The following LAMB1 variants were observed in gnomAD, a reference collection of about 807,000 sequenced individuals.
LAMB1 encodes the protein laminin subunit beta-1.
Under a neutral mutation model 222.3 loss-of-function variants are expected in LAMB1, and 121 were observed. That is an observed-to-expected ratio of 0.54 (90% CI 0.47 to 0.63). The LOEUF is 0.63. Ranked by LOEUF, LAMB1 falls within the 30% of genes least tolerant of loss-of-function variation. LAMB1 has a pLI of 0.00. For synonymous variants in LAMB1, 794 were observed against 807.2 expected, an observed-to-expected ratio of 0.98 and a Z score of 0.28; for missense variants, 2,172 against 2,240.8, an observed-to-expected ratio of 0.97 and a Z score of 0.62.
At chr7:107,948,572 G>T (rs2033177880) in intron 24 of LAMB1, among the ~76,000 whole-genome samples, 1 of 152,108 alleles carries the variant, frequency 6.6e-6, no homozygotes, top group South Asian at 2.1e-4. Flanking sequence ...TGAGCTGACT[G>T]GGTATCATTA....
At chr7:107,958,518 G>T (rs1008765542) in intron 20 of LAMB1, among the ~76,000 whole-genome samples, 1 of 152,178 alleles carries the variant, frequency 6.6e-6, no homozygotes, top group Non-Finnish European at 1.5e-5. Context: ...TCTTCGATAG[G>T]GCGAATGGAT....
chr7:107,939,920 A>G (rs2032938959), intron 25 of LAMB1, 69 bp downstream of exon 25: 1 of 1,524,786 alleles, frequency 6.6e-7, no homozygotes, highest in Admixed American at 1.8e-5. Flanking sequence ...ATGCCAGGAA[A>G]TCTTTGCTGT....
rs566740973 is a variant in LAMB1, at chr7:107,948,813, G to A, written c.3391+2413C>T. 2.8e-4 allele frequency among the ~76,000 whole-genome samples: 43 copies of A among 152,112 alleles called. 1 individual carries two copies. The South Asian group carries it at 8.7e-3, about 31-fold the overall frequency. ...ATCTGTCTGCATCCCTGCTGCCCTC[G>A]TGCCACCGGGATTGGCCAGCATAAT... is the stretch of plus-strand genomic sequence containing the variant. On this transcript the variant is annotated intron_variant, in intron 24 of 33. Transcript: ENST00000222399.
In LAMB1 at chr7:108,002,019, A is replaced by C. The variant is rs2150458774; in HGVS notation, c.38-286T>G. On this transcript the variant is annotated intron_variant, in intron 2 of 33. Transcript: ENST00000222399. ...CCCACCGACGCTCGCGCCCACCCTG[A>C]TCAGCCCCGGGGAGCAGCTCCCCCA... 1.2e-5 allele frequency: 17 copies of C among 1,446,272 alleles called. 1 individual carries two copies. In the South Asian group the frequency reaches 2.4e-4, roughly 20 times the overall value. 89.6% of individuals were successfully genotyped at this position (1,446,272 alleles called of 1,614,324 possible).
intron 13 of LAMB1, among the ~76,000 whole-genome samples, 168 bp downstream of exon 13, chr7:107,972,824 G>T (rs1232363792): frequency 6.6e-6 from 1 of 152,174 alleles, no homozygotes. Context: ...TGACTTAGCA[G>T]TTCCATCACT....
chr7:107,958,317 C>T (rs1444052534), intron 20 of LAMB1, among the ~76,000 whole-genome samples: 1 of 152,116 alleles, frequency 6.6e-6, no homozygotes, highest in Non-Finnish European at 1.5e-5. Context: ...TCCGTGGGAC[C>T]TCCAAATTCT....
intron 5 of LAMB1, among the ~76,000 whole-genome samples, chr7:107,992,069 C>G (rs1301707329): frequency 6.6e-6 from 1 of 152,148 alleles, no homozygotes; most frequent in African/African-American, 2.4e-5. Context: ...AAACTCGAGG[C>G]AAATCTACAT....
chr7:107,971,474 C>T (rs1480600365), intron 13 of LAMB1, among the ~76,000 whole-genome samples: 1 of 152,198 alleles, frequency 6.6e-6, no homozygotes, highest in Non-Finnish European at 1.5e-5. Context: ...GCCTAAGGGG[C>T]TCCTGGGGAA....
At chr7:107,945,041 G>T (rs73195541) in intron 24 of LAMB1, among the ~76,000 whole-genome samples, 7,918 of 152,246 alleles carry the variant, frequency 0.052, 288 homozygotes, top group East Asian at 0.12. Flanking sequence ...AGCAAAAGTT[G>T]TTGCCTAATC....
chr7:108,002,070 C>T, intron 2 of LAMB1: 1 of 1,467,066 alleles, frequency 6.8e-7, no homozygotes, highest in African/African-American at 1.4e-5. Context: ...GTAGACCCTC[C>T]ACTTCGACGT....
chr7:108,003,080 G>GA, intron 1 of LAMB1, 31 bp downstream of exon 1: 2 of 1,235,024 alleles, frequency 1.6e-6, no homozygotes, highest in Non-Finnish European at 2.2e-6. Flanking sequence ...GGAAAGTGGG[G>GA]AAAATCGTGC....
chr7:107,964,953 T>C (rs1349200199), intron 13 of LAMB1, among the ~76,000 whole-genome samples: 1 of 152,350 alleles, frequency 6.6e-6, no homozygotes, highest in East Asian at 1.9e-4. Context: ...ATGAAGGTTT[T>C]CCACATCCCA....
At chr7:107,938,606 T>G (rs1464944796) in intron 25 of LAMB1, among the ~76,000 whole-genome samples, 1 of 152,166 alleles carries the variant, frequency 6.6e-6, no homozygotes, top group Non-Finnish European at 1.5e-5. Flanking sequence ...ATGTAATCTC[T>G]CTTCTGGCAG....
chr7:107,970,361 G>A (rs1356541263), intron 13 of LAMB1, among the ~76,000 whole-genome samples: 5 of 151,912 alleles, frequency 3.3e-5, no homozygotes, highest in Admixed American at 3.3e-4. Flanking sequence ...GGTAGCTGGT[G>A]CCTGTAGTCC....
rs370026064 is a variant in LAMB1, at chr7:107,926,178, C to T, written c.5064+5G>A. 4.2e-5 allele frequency: 67 copies of T among 1,609,422 alleles called. 1 individual carries two copies. The highest frequency in any genetic ancestry group is 1.9e-4 in the South Asian group (17 of 90,830). On this transcript the variant is annotated splice_donor_5th_base_variant and intron_variant, in intron 32 of 33. Transcript: ENST00000222399. ...ATAGCTCTGAAATTACAAAGATTTA[C>T]GTACCTTCTTAACATCTTCTGCACT...
At chr7:107,975,200 G>C (rs1471129298) in intron 11 of LAMB1, 34 bp downstream of exon 11, 1 of 1,594,258 alleles carries the variant, frequency 6.3e-7, no homozygotes, top group East Asian at 2.2e-5. Context: ...TCAAACACAA[G>C]AAAACTCCCA....
chr7:107,957,749 G>GT lies in LAMB1; in HGVS notation c.2690+1499dup, dbSNP rs140834703. Among the ~76,000 whole-genome samples, 1,331 of 152,212 alleles carry GT rather than the reference G, an allele frequency of 8.7e-3. 18 individuals carry two copies. Among genetic ancestry groups the GT allele is most frequent in the African/African-American group, 0.03 (1,257 of 41,522 alleles). On this transcript the variant is annotated intron_variant, in intron 20 of 33. Transcript: ENST00000222399. ...CCCTTGGGGACAATCTAAGTGTAGA[G>GT]TTTTTTTGTAAATTCACAGGATTGA... is the stretch of plus-strand genomic sequence containing the variant.
intron 24 of LAMB1, among the ~76,000 whole-genome samples, chr7:107,947,986 T>TTG (rs2033155882): frequency 6.9e-6 from 1 of 144,548 alleles, no homozygotes; most frequent in Non-Finnish European, 1.5e-5. Context: ...TCTTCTTCTT[T>TTG]TTTTTTTTTT....
chr7:107,940,526 C>T lies in LAMB1; in HGVS notation c.3392-168G>A, dbSNP rs112149631. ...CTGTAGCAGCTTCCTCTAGCACATG[C>T]GTGACTTCAGTGGTTGCTAACCCCT... On this transcript the variant is annotated intron_variant, in intron 24 of 33. Coordinates refer to ENST00000222399, the MANE Select transcript of LAMB1 (RefSeq NM_002291.3). 3.9e-5 allele frequency: 25 copies of T among 646,696 alleles called. No homozygotes were observed. In the East Asian group the frequency reaches 4.4e-4, roughly 11 times the overall value. 40.1% of individuals were successfully genotyped at this position (646,696 alleles called of 1,614,324 possible). A position where few individuals can be genotyped will look rare whatever the true frequency, so the allele number is the denominator to read the frequency against.
Sources: gnomAD v4.1 joint callset for allele counts (sites outside exome capture counted in the v4.1 genomes callset) on GRCh38, gnomAD v4.1.1 for gene constraint, MANE v1.5 for transcripts, NCBI Gene and HGNC (gene_info 2026-07-23, HGNC 2026-07-21) for gene names.